Variants in RYR2 observed in about 807,000 individuals in gnomAD.
The protein encoded by RYR2 is ryanodine receptor 2, also known as cardiac muscle ryanodine receptor-calcium release channel.
In RYR2, 227 loss-of-function variants were observed where a neutral mutation model predicts 601.1. That is an observed-to-expected ratio of 0.38 (90% CI 0.34 to 0.42). The LOEUF is 0.42. Among genes scored for constraint, RYR2 ranks in the 10% least tolerant of loss-of-function variants. RYR2 has a pLI of 1.00. For synonymous variants in RYR2, 2,223 were observed against 2,175.1 expected (o/e 1.02, Z -0.61); for missense variants, 4,646 against 6,156.5 (o/e 0.75, Z 8.21).
chr1:237,167,375 C>T (rs1055207311), intron 1 of RYR2, among the ~76,000 whole-genome samples: 1 of 152,176 alleles, frequency 6.6e-6, no homozygotes, highest in Non-Finnish European at 1.5e-5. Flanking sequence ...AATAGAGTAA[C>T]GGTCCCACTC....
At chr1:237,302,217 C>T (rs1330402080) in intron 2 of RYR2, among the ~76,000 whole-genome samples, 1 of 152,096 alleles carries the variant, frequency 6.6e-6, no homozygotes, top group Non-Finnish European at 1.5e-5. Context: ...CTGATTCATA[C>T]ATTTATTTTC....
intron 70 of RYR2, 150 bp from the exon 71 acceptor site, chr1:237,711,595 A>T (rs1688846909): frequency 1.7e-6 from 1 of 594,574 alleles, no homozygotes; most frequent in East Asian, 2.9e-5. Context: ...CCCTCATTAG[A>T]TACTCAAGAA....
At chr1:237,727,004 G>T (rs891020168) in intron 75 of RYR2, 83 bp from the exon 76 acceptor site, 2 of 763,498 alleles carry the variant, frequency 2.6e-6, no homozygotes, top group South Asian at 2.9e-5. Context: ...CTATATTTTT[G>T]AAGATAGTTT....
At chr1:237,541,760 G>T (rs1669288844) in intron 25 of RYR2, among the ~76,000 whole-genome samples, 1 of 152,112 alleles carries the variant, frequency 6.6e-6, no homozygotes, top group African/African-American at 2.4e-5. Context: ...TTGTTCTCTG[G>T]TGGGCAGGAG....
intron 2 of RYR2, among the ~76,000 whole-genome samples, chr1:237,328,899 A>G (rs1031577392): frequency 3.3e-5 from 5 of 152,210 alleles, no homozygotes; most frequent in Non-Finnish European, 5.9e-5. Context: ...TTTTATGAAG[A>G]AAGCGTAACT....
chr1:237,797,562 C>T (rs552407248), intron 96 of RYR2, among the ~76,000 whole-genome samples: 2 of 152,328 alleles, frequency 1.3e-5, no homozygotes, highest in East Asian at 3.9e-4. Flanking sequence ...GGCCTGGTTG[C>T]TTCCTGGACC....
chr1:237,113,743 C>A (rs937136155), intron 1 of RYR2, among the ~76,000 whole-genome samples: 12 of 152,128 alleles, frequency 7.9e-5, no homozygotes, highest in African/African-American at 2.7e-4. Context: ...GGATAGAGAG[C>A]TACAAGGTGG....
intron 79 of RYR2, among the ~76,000 whole-genome samples, chr1:237,741,702 A>G (rs748448304): frequency 7.2e-5 from 11 of 152,114 alleles, no homozygotes; most frequent in Non-Finnish European, 1.5e-4. Context: ...CCTGGGTTCA[A>G]GCAATTCTCC....
In RYR2 at chr1:237,760,970, T is replaced by C. The variant is rs889979768; in HGVS notation, c.11418T>C (p.Asn3806=). 7.6e-6 allele frequency: 12 copies of C among 1,573,160 alleles called. No individual in the cohort carries two copies. In the African/African-American group the frequency reaches 1.5e-4, roughly 19 times the overall value. Reference sequence around the variant, plus strand: ...GTTATTATAGTGTCCTTGACCTAAATGCATTTGAGCGACAAAACAAAGCTG... The same window carrying C: ...GTTATTATAGTGTCCTTGACCTAAACGCATTTGAGCGACAAAACAAAGCTG... The part of the protein sequence containing the change: ...LMQSCSVLDL[N]AFERQNKAEG... The change falls in exon 84 of 105, where the codon AAT becomes AAC. Residue 3806 remains asparagine, a synonymous_variant. Coordinates refer to ENST00000366574, the MANE Select transcript of RYR2 (RefSeq NM_001035.3).
intron 40 of RYR2, among the ~76,000 whole-genome samples, chr1:237,626,299 A>G (rs997519077): frequency 2.0e-5 from 3 of 152,116 alleles, no homozygotes. Context: ...TGGGCACAGC[A>G]CTCTGAGTAG....
chr1:237,101,580 A>T (rs186272918), intron 1 of RYR2, among the ~76,000 whole-genome samples: 17 of 152,326 alleles, frequency 1.1e-4, no homozygotes, highest in Admixed American at 5.9e-4. Context: ...CGTACATATA[A>T]TTTCTCAATC....
chr1:237,767,552 T>TA (rs1251704499), intron 84 of RYR2, among the ~76,000 whole-genome samples: 1 of 152,204 alleles, frequency 6.6e-6, no homozygotes, highest in Non-Finnish European at 1.5e-5. Context: ...AAAATGGCAT[T>TA]ACATTTAGCT....
chr1:237,140,893 G>A (rs1287470454), intron 1 of RYR2, among the ~76,000 whole-genome samples: 1 of 152,166 alleles, frequency 6.6e-6, no homozygotes, highest in Non-Finnish European at 1.5e-5. Flanking sequence ...CGAGCTCAGT[G>A]TCTTCTTTAT....
At chr1:237,533,320 T>C (rs979504419) in intron 25 of RYR2, among the ~76,000 whole-genome samples, 5 of 152,004 alleles carry the variant, frequency 3.3e-5, no homozygotes, top group African/African-American at 1.2e-4. Context: ...AATGTTGGGG[T>C]TTTTTAACAA....
intron 1 of RYR2, among the ~76,000 whole-genome samples, chr1:237,120,648 T>A (rs1670667038): frequency 6.6e-6 from 1 of 152,180 alleles, no homozygotes; most frequent in South Asian, 2.1e-4. Flanking sequence ...TCAACAATAG[T>A]CGAACCTACC....
chr1:237,081,377 GC>G (rs1271265492), intron 1 of RYR2, among the ~76,000 whole-genome samples: 1 of 151,194 alleles, frequency 6.6e-6, no homozygotes, highest in Non-Finnish European at 1.5e-5. Flanking sequence ...ACAGGTTTGT[GC>G]CCCTCAGTCC....
rs370698865 is a variant in RYR2, at chr1:237,400,623, A to G, written c.773+12440A>G. Among the ~76,000 whole-genome samples, 17 of 152,338 alleles carry G rather than the reference A, an allele frequency of 1.1e-4. No homozygotes were observed. In the East Asian group the frequency reaches 2.7e-3, roughly 24 times the overall value. On this transcript the variant is annotated intron_variant, in intron 10 of 104. Transcript: ENST00000366574. ...AGTTGGAAATAGTTATATTTTAAAG[A>G]TAATTTTTAAATGTTATATTCATAA...
intron 11 of RYR2, among the ~76,000 whole-genome samples, chr1:237,421,908 G>A (rs1284149109): frequency 1.3e-5 from 2 of 151,844 alleles, no homozygotes; most frequent in African/African-American, 4.8e-5. Context: ...GTGCTTTTTG[G>A]CCTTGAATTG....
intron 1 of RYR2, among the ~76,000 whole-genome samples, chr1:237,153,106 C>T (rs1674913942): frequency 6.6e-6 from 1 of 152,106 alleles, no homozygotes; most frequent in Non-Finnish European, 1.5e-5. Context: ...TGTATTTAGA[C>T]AGGGAAACCA....
Sources: allele counts gnomAD v4.1 joint callset (sites outside exome capture counted in the v4.1 genomes callset), GRCh38; gene constraint gnomAD v4.1.1; transcripts MANE v1.5; gene names NCBI Gene and HGNC (gene_info 2026-07-23, HGNC 2026-07-21).